The following FAM171B variants were observed in gnomAD, a reference collection of about 807,000 sequenced individuals.
The protein encoded by FAM171B is protein FAM171B.
Under a neutral mutation model 75.6 loss-of-function variants are expected in FAM171B, and 19 were observed. The observed-to-expected ratio is 0.25, with a 90% CI of 0.18 to 0.37. The LOEUF (loss-of-function observed/expected upper bound fraction) is 0.37. Among genes scored for constraint, FAM171B ranks in the 10% least tolerant of loss-of-function variants. FAM171B has a pLI of 1.00. For missense variants in FAM171B, 848 were observed against 982.4 expected (o/e 0.86, Z 1.83); for synonymous variants, 367 against 361.7 (o/e 1.01, Z -0.17).
intron 1 of FAM171B, among the ~76,000 whole-genome samples, chr2:186,730,100 A>G (rs937423017): frequency 1.3e-5 from 2 of 152,218 alleles, no homozygotes; most frequent in African/African-American, 4.8e-5. Context: ...AGCTGGGACT[A>G]CAGGCACGTG....
intron 1 of FAM171B, among the ~76,000 whole-genome samples, chr2:186,726,949 C>T (rs900592842): frequency 2.6e-5 from 4 of 152,268 alleles, no homozygotes; most frequent in East Asian, 3.9e-4. Flanking sequence ...TGGCCCCTGC[C>T]GAAATCCTGC....
intron 1 of FAM171B, among the ~76,000 whole-genome samples, chr2:186,700,275 T>G (rs1216559828): frequency 6.6e-6 from 1 of 151,922 alleles, no homozygotes; most frequent in East Asian, 1.9e-4. Context: ...AGAGGTAAAA[T>G]GTACATATGT....
At chr2:186,697,670 A>G (rs766481811) in intron 1 of FAM171B, among the ~76,000 whole-genome samples, 4 of 152,194 alleles carry the variant, frequency 2.6e-5, no homozygotes, top group Non-Finnish European at 4.4e-5. Flanking sequence ...TTCTTTGGAC[A>G]TGCCACATGA....
At chr2:186,741,423 T>C (rs766858744) in intron 2 of FAM171B, among the ~76,000 whole-genome samples, 1 of 151,994 alleles carries the variant, frequency 6.6e-6, no homozygotes, top group Non-Finnish European at 1.5e-5. Flanking sequence ...GTTGGAAAAA[T>C]ATTTGAAACA....
At chr2:186,739,348 A>G (rs1420685297) in intron 1 of FAM171B, among the ~76,000 whole-genome samples, 1 of 152,218 alleles carries the variant, frequency 6.6e-6, no homozygotes, top group African/African-American at 2.4e-5. Flanking sequence ...TTAGCTTACT[A>G]TAAGTTCATA....
chr2:186,718,325 G>T (rs779158888), intron 1 of FAM171B, among the ~76,000 whole-genome samples: 6 of 152,076 alleles, frequency 3.9e-5, no homozygotes, highest in Non-Finnish European at 7.4e-5. Context: ...TTGTTCCCAG[G>T]CTTTTTTCTT....
Position 186,743,545 on chromosome 2 carries a change from G to C in FAM171B, c.535G>C (p.Asp179His). Residue 179 changes from aspartate to histidine, a missense_variant, in exon 3 of 8, where the codon GAC becomes CAC. This residue lies in a region of FAM171B where 665 missense variants were observed against 729.0 expected (regional missense o/e 0.91). Coordinates refer to ENST00000304698, the MANE Select transcript of FAM171B (RefSeq NM_177454.4). ...QSQANIWLFE[D>H]TVLITGKLAD... Reference sequence around the variant, plus strand: ...CCAAGCAAATATATGGCTATTTGAAGACACTGTTTTAATTACTGGAAAATT... The same window carrying C: ...CCAAGCAAATATATGGCTATTTGAACACACTGTTTTAATTACTGGAAAATT... 6.2e-7 allele frequency: 1 copy of C among 1,612,882 alleles called. No individual in the cohort carries two copies. Among genetic ancestry groups the C allele is most frequent in the Non-Finnish European group, 8.5e-7 (1 of 1,179,096 alleles).
chr2:186,746,113 T>C (rs1272556443), intron 3 of FAM171B, among the ~76,000 whole-genome samples: 4 of 152,260 alleles, frequency 2.6e-5, no homozygotes, highest in Non-Finnish European at 5.9e-5. Context: ...AGCTGATGTT[T>C]CTGATAATTT....
intron 1 of FAM171B, among the ~76,000 whole-genome samples, chr2:186,717,044 G>GGGTA (rs1331079428): frequency 6.6e-6 from 1 of 152,134 alleles, no homozygotes; most frequent in African/African-American, 2.4e-5. Context: ...ACGATGATGT[G>GGGTA]GGTAGTGAGA....
chr2:186,694,349 T>TGGAGGAGGC lies in FAM171B; in HGVS notation c.177_185dup (p.Ala62_Glu64dup), dbSNP rs1280441105. The TGGAGGAGGC allele has an allele frequency of 2.5e-6, 4 of 1,612,942 alleles. No individual in the cohort carries two copies. In the African/African-American group the frequency reaches 5.3e-5, roughly 22 times the overall value. On this transcript the variant is annotated inframe_insertion, in exon 1 of 8. Transcript: ENST00000304698. ...CAACAACAACAACAGCAAAAGCAGC[T>TGGAGGAGGC]GGAGGAGGCTGAGGAGGAGAGGACA...
rs139234915 is a variant in FAM171B at position 186,751,297 on chromosome 2, G to A, written c.888G>A (p.Met296Ile). Reference sequence around the variant, plus strand: ...GCATACCTGCTTGGACATTTGATATGAACACAGGTATGTGAGCTAGGTTAA... The same window carrying A: ...GCATACCTGCTTGGACATTTGATATAAACACAGGTATGTGAGCTAGGTTAA... ...GDRIPAWTFD[M>I]NTGAWVNHGR... Residue 296 changes from methionine (M) to isoleucine (I), a missense_variant, in exon 5 of 8, where the codon ATG becomes ATA. Transcript: ENST00000304698. The A allele has an allele frequency of 2.7e-5, 42 of 1,579,228 alleles. No homozygotes were observed. Among genetic ancestry groups the A allele is most frequent in the Non-Finnish European group, 3.5e-5 (40 of 1,158,938 alleles).
chr2:186,697,942 C>T (rs949394040), intron 1 of FAM171B, among the ~76,000 whole-genome samples: 7 of 152,202 alleles, frequency 4.6e-5, no homozygotes, highest in Non-Finnish European at 1.0e-4. Context: ...TTCTCATTAA[C>T]TTATAAAAAC....
At chr2:186,698,875 G>A (rs1559079606) in intron 1 of FAM171B, among the ~76,000 whole-genome samples, 1 of 152,102 alleles carries the variant, frequency 6.6e-6, no homozygotes, top group Non-Finnish European at 1.5e-5. Context: ...ACAAATGAGT[G>A]AGAATATGCA....
rs1220459314 is a variant in FAM171B, at chr2:186,765,871, A to G, written c.*3048A>G. On this transcript the variant is annotated 3_prime_UTR_variant, in exon 8 of 8. Transcript: ENST00000304698. ...CGGTGTATTTATTGCTGTTACTACT[A>G]TATTTACTGCTGAAAACTGTAACAA... The G allele has an allele frequency of 6.6e-6, 1 of 152,132 alleles. No individual in the cohort carries two copies. The highest frequency in any genetic ancestry group is 6.6e-5 in the Admixed American group (1 of 15,254). The allele number at this position is 152,132 out of a possible 1,614,324, so 9.4% of individuals were successfully genotyped here.
In FAM171B at chr2:186,762,389, G is replaced by A; in HGVS notation, c.2047G>A (p.Ala683Thr). ...TGTGTCTCTTGATGGAAAGCCAGTT[G>A]CACAAGTGAGGCACTCCTTTATAGA... The part of the protein sequence containing the change: ...WFVSLDGKPV[A>T]QVRHSFIDLK... Residue 683 changes from alanine (A) to threonine (T), a missense_variant, in exon 8 of 8, where the codon GCA becomes ACA. Transcript: ENST00000304698. This position sits in a 1 kb window ranked among gnomAD's most constrained non-coding sequence, Gnocchi z 4.0. The A allele has an allele frequency of 6.2e-7, 1 of 1,613,652 alleles. No individual in the cohort carries two copies. The highest frequency in any genetic ancestry group is 8.5e-7 in the Non-Finnish European group (1 of 1,179,768).
intron 1 of FAM171B, among the ~76,000 whole-genome samples, chr2:186,708,805 G>A (rs1462013280): frequency 6.6e-6 from 1 of 152,126 alleles, no homozygotes; most frequent in Non-Finnish European, 1.5e-5. Context: ...CAAAAGAAAT[G>A]TAACCCAGCA....
intron 4 of FAM171B, 141 bp downstream of exon 4, chr2:186,747,391 A>G: frequency 2.2e-6 from 1 of 463,848 alleles, no homozygotes; most frequent in Non-Finnish European, 3.4e-6. Flanking sequence ...TCTAGTTATT[A>G]AAATGTATAT....
intron 1 of FAM171B, among the ~76,000 whole-genome samples, chr2:186,720,204 A>T (rs1689932183): frequency 6.6e-6 from 1 of 152,068 alleles, no homozygotes; most frequent in Non-Finnish European, 1.5e-5. Context: ...TACCTGGCTA[A>T]TCTTTGTATT....
At chr2:186,738,411 C>T (rs1194597982) in intron 1 of FAM171B, among the ~76,000 whole-genome samples, 1 of 151,640 alleles carries the variant, frequency 6.6e-6, no homozygotes, top group Non-Finnish European at 1.5e-5. Context: ...AGCAGGGTAG[C>T]CATCTGTGAG....
Sources: allele counts gnomAD v4.1 joint callset (sites outside exome capture counted in the v4.1 genomes callset), GRCh38; gene constraint gnomAD v4.1.1; regional missense constraint gnomAD v4.1.1; non-coding constraint Gnocchi (gnomAD v3.1); transcripts MANE v1.5; gene names NCBI Gene and HGNC (gene_info 2026-07-23, HGNC 2026-07-21).